The following BCAS4 variants were observed in gnomAD, a reference collection of about 807,000 sequenced individuals.
BCAS4 encodes breast carcinoma-amplified sequence 4.
Under a neutral mutation model 15.7 loss-of-function variants are expected in BCAS4, and 9 were observed. That is an observed-to-expected ratio of 0.57 (90% CI 0.34 to 1.00). The LOEUF is 1.00. Among genes scored for constraint, BCAS4 ranks in the 50% least tolerant of loss-of-function variants. The probability of loss-of-function intolerance (pLI) is 0.02; values close to 1 mark genes in which losing one functional copy is unlikely to be tolerated. For synonymous variants in BCAS4, 101 were observed against 99.5 expected (o/e 1.02, Z -0.09); for missense variants, 225 against 239.1 (o/e 0.94, Z 0.39).
At chr20:50,817,157 C>T (rs1454927282) in intron 1 of BCAS4, among the ~76,000 whole-genome samples, 1 of 151,360 alleles carries the variant, frequency 6.6e-6, no homozygotes, top group Non-Finnish European at 1.5e-5. Flanking sequence ...AGACTGGTCT[C>T]GAATTCCTGG....
At chr20:50,868,082 A>G (rs147562753) in intron 4 of BCAS4, among the ~76,000 whole-genome samples, 349 of 152,286 alleles carry the variant, frequency 2.3e-3, no homozygotes, top group African/African-American at 8.0e-3. Context: ...TGTTTTTCTC[A>G]TGCTTAGACC....
At chr20:50,840,991 G>A (rs1178118196) in intron 3 of BCAS4, 15 of 447,288 alleles carry the variant, frequency 3.4e-5, no homozygotes, top group Non-Finnish European at 4.9e-5. Flanking sequence ...CACCATGTCC[G>A]GCTACTTTTT....
intron 2 of BCAS4, among the ~76,000 whole-genome samples, chr20:50,822,267 A>C (rs1027954151): frequency 6.6e-6 from 1 of 152,298 alleles, no homozygotes; most frequent in East Asian, 1.9e-4. Context: ...AAGCTGCCAC[A>C]TGTCTTGAGG....
chr20:50,852,717 T>C (rs1978508328), intron 4 of BCAS4, among the ~76,000 whole-genome samples: 1 of 152,184 alleles, frequency 6.6e-6, no homozygotes, highest in African/African-American at 2.4e-5. Flanking sequence ...GGATGCAGAT[T>C]TTCTGTGAAA....
chr20:50,845,986 G>A (rs2088538780), intron 4 of BCAS4, among the ~76,000 whole-genome samples: 1 of 152,210 alleles, frequency 6.6e-6, no homozygotes, highest in Non-Finnish European at 1.5e-5. Context: ...GTGGATACTA[G>A]CGATCCCCCT....
At chr20:50,829,623 G>A (rs1233615175) in intron 2 of BCAS4, among the ~76,000 whole-genome samples, 5 of 151,978 alleles carry the variant, frequency 3.3e-5, no homozygotes, top group South Asian at 2.1e-4. Flanking sequence ...GGAATCTCTC[G>A]TTCTCTCTCA....
intron 4 of BCAS4, among the ~76,000 whole-genome samples, chr20:50,868,851 C>T (rs1429367526): frequency 6.6e-6 from 1 of 152,248 alleles, no homozygotes. Context: ...CAGGCTGCAC[C>T]TGGTGCTTTG....
chr20:50,795,765 A>G (rs534601412), intron 1 of BCAS4, among the ~76,000 whole-genome samples: 35 of 152,246 alleles, frequency 2.3e-4, no homozygotes, highest in Non-Finnish European at 3.7e-4. Flanking sequence ...TTTTTAAACC[A>G]CAAAAGCAGT....
At chr20:50,880,722 C>T (rs1980103550), downstream of BCAS4, 1 of 152,206 alleles carries the variant, frequency 6.6e-6, no homozygotes, top group African/African-American at 2.4e-5. Context: ...CCCTTTCCCA[C>T]TTTCCCAGCG....
intron 4 of BCAS4, among the ~76,000 whole-genome samples, chr20:50,868,238 GTTTC>G (rs1187898774): frequency 6.6e-6 from 1 of 152,194 alleles, no homozygotes; most frequent in Non-Finnish European, 1.5e-5. Context: ...CCACTGTGCA[GTTTC>G]TTTCCCCACT....
chr20:50,824,573 C>T lies in BCAS4; in HGVS notation c.163-5706C>T, dbSNP rs114474542. Among the ~76,000 whole-genome samples the T allele has an allele frequency of 6.3e-3, 955 of 152,272 alleles. 12 individuals are homozygous for T. The highest frequency in any genetic ancestry group is 0.022 in the African/African-American group (920 of 41,554). ...GCTCTTCTCAGAGCGTAGCCCAAGG[C>T]GTGCAAATGTAAACACCTGTAATGT... On this transcript the variant is annotated intron_variant, in intron 2 of 4. Transcript: ENST00000371608.
chr20:50,837,657 G>A lies in BCAS4; in HGVS notation c.265-4109G>A, dbSNP rs144293888. Among the ~76,000 whole-genome samples, 217 of 152,278 alleles carry A rather than the reference G, an allele frequency of 1.4e-3. 6 individuals are homozygous for A. The East Asian group carries it at 0.037, about 26-fold the overall frequency. On this transcript the variant is annotated intron_variant, in intron 3 of 4. Transcript: ENST00000371608. ...CCTGGCTGTGTGGGTGGACGTGTGCGTCTCCTCTCCCCGGAGTCGGAGCTG... is the reference window on the plus strand; with the variant it reads ...CCTGGCTGTGTGGGTGGACGTGTGCATCTCCTCTCCCCGGAGTCGGAGCTG...
chr20:50,863,281 G>A (rs1600899500), intron 4 of BCAS4, among the ~76,000 whole-genome samples: 1 of 108,490 alleles, frequency 9.2e-6, no homozygotes. Flanking sequence ...TTTTTGAGAC[G>A]GAGTCTCACT....
intron 4 of BCAS4, among the ~76,000 whole-genome samples, chr20:50,871,225 C>T (rs564829264): frequency 6.6e-6 from 1 of 152,346 alleles, no homozygotes; most frequent in South Asian, 2.1e-4. Context: ...GACCCCAGCT[C>T]CAGTGCTCCC....
intron 4 of BCAS4, among the ~76,000 whole-genome samples, chr20:50,844,926 C>T (rs892143968): frequency 2.6e-5 from 4 of 152,136 alleles, no homozygotes; most frequent in African/African-American, 9.7e-5. Context: ...TGTTCTTGGC[C>T]CCACAAGGGC....
intron 3 of BCAS4, among the ~76,000 whole-genome samples, chr20:50,837,792 C>T (rs2088427560): frequency 6.6e-6 from 1 of 152,232 alleles, no homozygotes. Context: ...TCAGCTTCGC[C>T]TCACACTCTC....
intron 4 of BCAS4, among the ~76,000 whole-genome samples, chr20:50,871,606 G>A (rs62205181): frequency 0.16 from 24,717 of 152,208 alleles, 2,492 homozygotes; most frequent in Non-Finnish European, 0.23. Flanking sequence ...AAAGCCCCAG[G>A]GTAACTCCAG....
intron 3 of BCAS4, among the ~76,000 whole-genome samples, chr20:50,834,617 T>A (rs2088384658): frequency 1.3e-5 from 2 of 152,120 alleles, no homozygotes; most frequent in African/African-American, 4.8e-5. Context: ...AGTATACCAT[T>A]TGGAGGTGTG....
intron 2 of BCAS4, among the ~76,000 whole-genome samples, chr20:50,818,788 C>G (rs6067560): frequency 0.22 from 33,809 of 152,158 alleles, 5,296 homozygotes; most frequent in African/African-American, 0.45. Context: ...GCTTTTACCT[C>G]CTACTCTGTC....
Sources: allele counts gnomAD v4.1 joint callset (sites outside exome capture counted in the v4.1 genomes callset), GRCh38; gene constraint gnomAD v4.1.1; transcripts MANE v1.5; gene names NCBI Gene and HGNC (gene_info 2026-07-23, HGNC 2026-07-21).